Variants in EDC3 observed in about 807,000 individuals in gnomAD.
The protein encoded by EDC3 is enhancer of mRNA-decapping protein 3.
A neutral mutation model predicts 41.8 loss-of-function variants in EDC3; 20 were observed. The ratio of observed to expected loss-of-function variants is 0.48; its 90% CI spans 0.34 to 0.70. The LOEUF (loss-of-function observed/expected upper bound fraction) is 0.70. EDC3 is among the 30% of genes least tolerant of loss of function. The pLI, the probability that EDC3 is intolerant of heterozygous loss-of-function variation, is 0.01. For synonymous variants in EDC3, 206 were observed against 243.2 expected, an observed-to-expected ratio of 0.85 and a Z score of 1.42; for missense variants, 444 against 636.8, an observed-to-expected ratio of 0.70 and a Z score of 3.26.
At chr15:74,693,358 A>T (rs1305234411) in intron 1 of EDC3, among the ~76,000 whole-genome samples, 1 of 152,174 alleles carries the variant, frequency 6.6e-6, no homozygotes, top group Non-Finnish European at 1.5e-5. Context: ...ACCCAAGCGC[A>T]ATTTCTCACA....
intron 1 of EDC3, among the ~76,000 whole-genome samples, chr15:74,685,448 C>T (rs926715993): frequency 2.6e-5 from 4 of 152,104 alleles, no homozygotes; most frequent in African/African-American, 9.7e-5. Flanking sequence ...GTGTGTGTCA[C>T]CCCACTAGAA....
chr15:74,659,016 C>A (rs11072497), intron 3 of EDC3, among the ~76,000 whole-genome samples: 46,771 of 152,084 alleles, frequency 0.31, 9,764 homozygotes, highest in African/African-American at 0.55. Flanking sequence ...GACACCACAG[C>A]CAGCTAGATG....
At chr15:74,680,912 T>TA (rs1300816610) in intron 1 of EDC3, among the ~76,000 whole-genome samples, 26 of 149,682 alleles carry the variant, frequency 1.7e-4, no homozygotes, top group Middle Eastern at 3.4e-3. Flanking sequence ...GGTGTAAATC[T>TA]AAAAAAAAAG....
rs1389381582 is a variant in EDC3, at chr15:74,631,016, T to C, written c.*1596A>G. 1 of 152,226 alleles carries C rather than the reference T, an allele frequency of 6.6e-6. No homozygotes were observed. The highest frequency in any genetic ancestry group is 1.5e-5 in the Non-Finnish European group (1 of 68,044). 9.4% of individuals were successfully genotyped at this position (152,226 alleles called of 1,614,324 possible). On this transcript the variant is annotated 3_prime_UTR_variant, in exon 7 of 7. Coordinates refer to ENST00000315127, the MANE Select transcript of EDC3 (RefSeq NM_025083.5). ...CAAGAGAGGGCCCCGGCTTGGGAGC[T>C]GCTTGGCCCTGAGAGTGAGCAGAGG...
chr15:74,677,359 CTTTTTTT>C (rs747397931), intron 1 of EDC3, among the ~76,000 whole-genome samples: 1 of 111,324 alleles, frequency 9.0e-6, no homozygotes, highest in Non-Finnish European at 1.9e-5. Flanking sequence ...CATGCCCAGC[CTTTTTTT>C]TTTTTTTTTT....
In EDC3 at chr15:74,631,490, A is replaced by G. The variant is rs1425955716; in HGVS notation, c.*1122T>C. The G allele has an allele frequency of 6.6e-6, 1 of 152,276 alleles. No individual in the cohort carries two copies. The highest frequency in any genetic ancestry group is 1.9e-4 in the East Asian group (1 of 5,200). The allele number at this position is 152,276 out of a possible 1,614,324, so 9.4% of individuals were successfully genotyped here. A position where few individuals can be genotyped will look rare whatever the true frequency, so the allele number is the denominator to read the frequency against. ...CATCCAGAACTAGCCTCATTTTGCC[A>G]TCTTTGAGACAGGGTGCTGGCCCCA... is the stretch of plus-strand genomic sequence containing the variant. On this transcript the variant is annotated 3_prime_UTR_variant, in exon 7 of 7. Transcript: ENST00000315127.
chr15:74,678,325 G>A (rs967997647), intron 1 of EDC3, among the ~76,000 whole-genome samples: 4 of 152,060 alleles, frequency 2.6e-5, no homozygotes, highest in Admixed American at 2.0e-4. Context: ...GGCTTACTGG[G>A]GGACAACAGT....
At chr15:74,634,398 TC>T (rs2062246446) in intron 6 of EDC3, among the ~76,000 whole-genome samples, 1 of 152,158 alleles carries the variant, frequency 6.6e-6, no homozygotes, top group Non-Finnish European at 1.5e-5. Flanking sequence ...TCTACTCTCT[TC>T]CTATGTGACA....
intron 1 of EDC3, among the ~76,000 whole-genome samples, chr15:74,694,958 T>C (rs1475661164): frequency 6.8e-6 from 1 of 147,050 alleles, no homozygotes; most frequent in African/African-American, 2.6e-5. Context: ...CTGCCATTCA[T>C]TAAAAAAAAA....
At chr15:74,679,326 C>T (rs1420497125) in intron 1 of EDC3, among the ~76,000 whole-genome samples, 1 of 151,978 alleles carries the variant, frequency 6.6e-6, no homozygotes, top group Non-Finnish European at 1.5e-5. Context: ...AAATATAGAC[C>T]AAAAATCCTC....
chr15:74,691,744 G>A (rs571970773), intron 1 of EDC3, among the ~76,000 whole-genome samples: 1 of 152,236 alleles, frequency 6.6e-6, no homozygotes, highest in Non-Finnish European at 1.5e-5. Flanking sequence ...ACCAGATCTG[G>A]TCTGCTACCA....
At chr15:74,685,671 A>G (rs2062928792) in intron 1 of EDC3, among the ~76,000 whole-genome samples, 1 of 152,192 alleles carries the variant, frequency 6.6e-6, no homozygotes, top group Non-Finnish European at 1.5e-5. Context: ...ACTCTATGCA[A>G]AATCCTATAT....
intron 3 of EDC3, among the ~76,000 whole-genome samples, chr15:74,664,275 G>T (rs1366776265): frequency 3.9e-5 from 6 of 152,188 alleles, no homozygotes; most frequent in Non-Finnish European, 7.4e-5. Context: ...TCAGTACTTG[G>T]CTTACTCATC....
At position 74,672,000 on chromosome 15, in the gene EDC3, G is replaced by A. The variant is rs2062744121; in HGVS notation, c.165-226C>T. 2.0e-5 allele frequency among the ~76,000 whole-genome samples: 3 copies of A among 151,886 alleles called. No homozygotes were observed. Among genetic ancestry groups the A allele is most frequent in the Admixed American group, 6.6e-5 (1 of 15,228 alleles). The stretch of plus-strand genomic sequence containing the variant: ...CTATTGGCCGGGCACGGTGGCTCAC[G>A]CCTGTAATCCCAGCACTTTGGGAGG... On this transcript the variant is annotated intron_variant, in intron 2 of 6. Transcript: ENST00000315127. This position sits in a 1 kb window ranked among gnomAD's most constrained non-coding sequence, Gnocchi z 4.6.
chr15:74,662,164 C>A (rs987309377), intron 3 of EDC3, among the ~76,000 whole-genome samples: 1 of 152,168 alleles, frequency 6.6e-6, no homozygotes, highest in Non-Finnish European at 1.5e-5. Context: ...CCCAAACACA[C>A]TATCTTTGAC....
At chr15:74,694,684 G>C (rs2063045602) in intron 1 of EDC3, among the ~76,000 whole-genome samples, 1 of 152,178 alleles carries the variant, frequency 6.6e-6, no homozygotes, top group Non-Finnish European at 1.5e-5. Context: ...TATTTTTTTA[G>C]AGTGCATCTT....
chr15:74,634,680 T>C (rs1375919234), intron 6 of EDC3, among the ~76,000 whole-genome samples: 1 of 152,168 alleles, frequency 6.6e-6, no homozygotes, highest in Non-Finnish European at 1.5e-5. Flanking sequence ...ATCCAGTCTG[T>C]GGATTCTATC....
intron 5 of EDC3, 133 bp downstream of exon 5, chr15:74,640,333 C>G: frequency 9.6e-7 from 1 of 1,038,426 alleles, no homozygotes; most frequent in Non-Finnish European, 1.4e-6. Flanking sequence ...AAAGTGACTT[C>G]AGAGAGACAC....
At chr15:74,646,748 A>C (rs2062423798) in intron 4 of EDC3, among the ~76,000 whole-genome samples, 1 of 152,224 alleles carries the variant, frequency 6.6e-6, no homozygotes, top group Admixed American at 6.5e-5. Context: ...TGTTTTATGC[A>C]GGATAAAGTT....
Sources: allele counts gnomAD v4.1 joint callset (sites outside exome capture counted in the v4.1 genomes callset), GRCh38; gene constraint gnomAD v4.1.1; non-coding constraint Gnocchi (gnomAD v3.1); transcripts MANE v1.5; gene names NCBI Gene and HGNC (gene_info 2026-07-23, HGNC 2026-07-21).